INSYN2B: variants seen among roughly 807,000 people sequenced by gnomAD.
INSYN2B encodes the protein protein INSYN2B.
INSYN2B carries 16 observed loss-of-function variants against 41.2 expected under a neutral mutation model. That is an observed-to-expected ratio of 0.39 (90% confidence interval 0.26 to 0.59). INSYN2B has a LOEUF of 0.59. INSYN2B is among the 20% of genes least tolerant of loss of function. INSYN2B has a pLI of 0.57. For synonymous variants in INSYN2B, 245 were observed against 244.4 expected, an observed-to-expected ratio of 1.00 and a Z score of -0.02; for missense variants, 608 against 646.4, an observed-to-expected ratio of 0.94 and a Z score of 0.64.
intron 1 of INSYN2B, among the ~76,000 whole-genome samples, chr5:169,949,977 C>T (rs1776594857): frequency 1.3e-5 from 2 of 152,046 alleles, no homozygotes; most frequent in South Asian, 4.1e-4. Context: ...TCACATTTAC[C>T]AGAAAAACAC....
At chr5:169,876,923 C>T (rs1772368409) in intron 3 of INSYN2B, among the ~76,000 whole-genome samples, 2 of 152,172 alleles carry the variant, frequency 1.3e-5, no homozygotes, top group African/African-American at 4.8e-5. Context: ...GTATGAGACA[C>T]TGATCCATGA....
intron 1 of INSYN2B, among the ~76,000 whole-genome samples, chr5:169,917,976 C>G (rs562324171): frequency 4.6e-5 from 7 of 152,326 alleles, no homozygotes; most frequent in African/African-American, 1.4e-4. Context: ...GAGCCCTGAG[C>G]TAATGTGTGT....
rs2113412412 is a variant in INSYN2B at position 169,862,476 on chromosome 5, GC to G, written c.*1796del. 6.6e-6 allele frequency among the ~76,000 whole-genome samples: 1 copy of G among 152,174 alleles called. No homozygotes were observed. Among genetic ancestry groups the G allele is most frequent in the Admixed American group, 6.6e-5 (1 of 15,264 alleles). On this transcript the variant is annotated 3_prime_UTR_variant, in exon 4 of 4. Coordinates refer to ENST00000377365, the MANE Select transcript of INSYN2B (RefSeq NM_001129891.3). ...TATTCTGTTCTTTTCCATTGCTGGGGCCAACTGACAGTTGATCGTATGGATA... is the reference window on the plus strand; with the variant it reads ...TATTCTGTTCTTTTCCATTGCTGGGGCAACTGACAGTTGATCGTATGGATA...
chr5:169,883,968 A>G lies in INSYN2B; in HGVS notation c.-70T>C. The G allele has an allele frequency of 7.4e-7, 1 of 1,351,762 alleles. No individual in the cohort carries two copies. The highest frequency in any genetic ancestry group is 9.8e-7 in the Non-Finnish European group (1 of 1,022,000). The allele number at this position is 1,351,762 out of a possible 1,614,324, so 83.7% of individuals were successfully genotyped here. On this transcript the variant is annotated 5_prime_UTR_variant, in exon 2 of 4. Transcript: ENST00000377365. The stretch of plus-strand genomic sequence containing the variant: ...ACATCTCCCCTTAGGTCTTTGGAGC[A>G]GTATCTAATGATAGTATTTCAATCA...
At chr5:169,921,911 C>T (rs546331780) in intron 1 of INSYN2B, among the ~76,000 whole-genome samples, 23 of 152,260 alleles carry the variant, frequency 1.5e-4, no homozygotes, top group Admixed American at 8.5e-4. Flanking sequence ...AGCCCCTTGA[C>T]AGTAGAAAGA....
chr5:169,908,609 A>G (rs987674303), intron 1 of INSYN2B, among the ~76,000 whole-genome samples: 3 of 152,222 alleles, frequency 2.0e-5, no homozygotes, highest in Non-Finnish European at 4.4e-5. Context: ...ACATATTGCA[A>G]TATGGAATCA....
chr5:169,922,593 A>C (rs1282153687), intron 1 of INSYN2B, among the ~76,000 whole-genome samples: 2 of 152,250 alleles, frequency 1.3e-5, no homozygotes, highest in Non-Finnish European at 2.9e-5. Context: ...TTTAGAGAAT[A>C]TCACCTACAT....
At chr5:169,954,597 T>C (rs1031018209) in intron 1 of INSYN2B, among the ~76,000 whole-genome samples, 1 of 152,246 alleles carries the variant, frequency 6.6e-6, no homozygotes, top group African/African-American at 2.4e-5. Context: ...GTTCTTCTAT[T>C]TTATGAAAGG....
intron 1 of INSYN2B, among the ~76,000 whole-genome samples, chr5:169,950,514 A>G (rs1484164160): frequency 6.6e-6 from 1 of 152,226 alleles, no homozygotes; most frequent in Non-Finnish European, 1.5e-5. Context: ...TTTGGGCCAC[A>G]CAACATGGCC....
intron 1 of INSYN2B, among the ~76,000 whole-genome samples, chr5:169,895,960 G>T (rs2113558146): frequency 6.6e-6 from 1 of 152,208 alleles, no homozygotes; most frequent in East Asian, 1.9e-4. Flanking sequence ...CACTACCCTT[G>T]TCTTGCCTGA....
intron 1 of INSYN2B, among the ~76,000 whole-genome samples, chr5:169,961,093 G>C (rs1040090197): frequency 6.6e-6 from 1 of 152,236 alleles, no homozygotes. Context: ...GTGAGACACT[G>C]TTTAGGTCAA....
At chr5:169,908,438 A>G (rs1257235238) in intron 1 of INSYN2B, among the ~76,000 whole-genome samples, 1 of 152,204 alleles carries the variant, frequency 6.6e-6, no homozygotes, top group Admixed American at 6.5e-5. Flanking sequence ...TCCCCAAATC[A>G]TGACATTTGG....
intron 1 of INSYN2B, among the ~76,000 whole-genome samples, chr5:169,969,764 G>C (rs1251025673): frequency 6.6e-6 from 1 of 152,202 alleles, no homozygotes; most frequent in Non-Finnish European, 1.5e-5. Context: ...AAGTCTCCCA[G>C]CAGACCAAGA....
chr5:169,897,531 A>C (rs904756078), intron 1 of INSYN2B, among the ~76,000 whole-genome samples: 16 of 152,190 alleles, frequency 1.1e-4, no homozygotes, highest in Admixed American at 9.2e-4. Flanking sequence ...AAACGGAAAG[A>C]CATGATGGTC....
intron 1 of INSYN2B, among the ~76,000 whole-genome samples, chr5:169,931,122 C>T (rs549690269): frequency 3.3e-4 from 50 of 152,306 alleles, no homozygotes; most frequent in African/African-American, 1.2e-3. Flanking sequence ...AATGATGCTA[C>T]TAACACCCTT....
chr5:169,936,578 CTTTTTT>C (rs4041977), intron 1 of INSYN2B, among the ~76,000 whole-genome samples: 1 of 122,832 alleles, frequency 8.1e-6, no homozygotes, highest in Admixed American at 8.1e-5. Context: ...TCTCAGACTC[CTTTTTT>C]TTTTTTTTTT....
rs548951975 is a variant in INSYN2B, at chr5:169,913,858, TGAGCAA to T, written c.-918-29048_-918-29043del. ...TCCCATTTAAGAACTTTTTGTATAC[TGAGCAA>T]GAAGCTTAGAGGACATTATCTCTTT... On this transcript the variant is annotated intron_variant, in intron 1 of 3. Coordinates refer to ENST00000377365, the MANE Select transcript of INSYN2B (RefSeq NM_001129891.3). Among the ~76,000 whole-genome samples the T allele has an allele frequency of 4.6e-3, 698 of 152,364 alleles. 3 individuals are homozygous for T. Among genetic ancestry groups the T allele is most frequent in the African/African-American group, 0.016 (654 of 41,584 alleles).
intron 1 of INSYN2B, among the ~76,000 whole-genome samples, chr5:169,970,361 A>T (rs1420315012): frequency 6.6e-6 from 1 of 152,264 alleles, no homozygotes; most frequent in Non-Finnish European, 1.5e-5. Flanking sequence ...CTCAAATATC[A>T]GCCTTAAGGT....
intron 3 of INSYN2B, among the ~76,000 whole-genome samples, chr5:169,868,629 G>A (rs778065517): frequency 1.4e-4 from 22 of 152,218 alleles, no homozygotes; most frequent in Non-Finnish European, 2.9e-4. Context: ...GTGGTGGTGT[G>A]CAACTGTGAT....
Sources: allele counts gnomAD v4.1 joint callset (sites outside exome capture counted in the v4.1 genomes callset), GRCh38; gene constraint gnomAD v4.1.1; transcripts MANE v1.5; gene names NCBI Gene and HGNC (gene_info 2026-07-23, HGNC 2026-07-21).